The following RAP1GAP2 variants were observed in gnomAD, a reference collection of about 807,000 sequenced individuals.
RAP1GAP2 encodes RAP1 GTPase activating protein 2, also known as rap1 GTPase-activating protein 2.
A neutral mutation model predicts 95.0 loss-of-function variants in RAP1GAP2; 27 were observed. The observed-to-expected ratio is 0.28, with a 90% CI of 0.21 to 0.39. The LOEUF (loss-of-function observed/expected upper bound fraction) is 0.39. Among genes scored for constraint, RAP1GAP2 ranks in the 10% least tolerant of loss-of-function variants. RAP1GAP2 has a pLI of 1.00. For missense variants in RAP1GAP2, 771 were observed against 970.0 expected, an observed-to-expected ratio of 0.79 and a Z score of 2.72; for synonymous variants, 373 against 380.9, an observed-to-expected ratio of 0.98 and a Z score of 0.24.
intron 2 of RAP1GAP2, among the ~76,000 whole-genome samples, chr17:2,876,807 TA>T (rs1471009584): frequency 1.3e-5 from 2 of 152,026 alleles, no homozygotes; most frequent in Admixed American, 6.5e-5. Flanking sequence ...TTTTTCTGGC[TA>T]ACTTTGGAAT....
intron 2 of RAP1GAP2, among the ~76,000 whole-genome samples, chr17:2,893,780 G>A (rs761177148): frequency 5.3e-5 from 8 of 152,238 alleles, no homozygotes; most frequent in Non-Finnish European, 7.3e-5. Flanking sequence ...CTGCTCTGTC[G>A]GCAGTTTCTG....
In RAP1GAP2 at chr17:3,005,254, T is replaced by C. The variant is rs567678915; in HGVS notation, c.1201-115T>C. 3 of 1,046,918 alleles carry C rather than the reference T, an allele frequency of 2.9e-6. No homozygotes were observed. The highest frequency in any genetic ancestry group is 2.4e-5 in the East Asian group (1 of 42,044). The allele number at this position is 1,046,918 out of a possible 1,614,324, so 64.9% of individuals were successfully genotyped here. A position where few individuals can be genotyped will look rare whatever the true frequency, so the allele number is the denominator to read the frequency against. ...GATGCTCACAGGAGTATTTTGTTTG[T>C]GTTCTGGGAAGAGGAGGAGGGAGAA... On this transcript the variant is annotated intron_variant, in intron 14 of 24. Transcript: ENST00000254695. The surrounding 1 kb of genome is among the most constrained non-coding windows in gnomAD (Gnocchi z 5.2).
intron 3 of RAP1GAP2, among the ~76,000 whole-genome samples, chr17:2,922,237 T>C (rs1159605694): frequency 1.3e-5 from 2 of 152,186 alleles, no homozygotes; most frequent in African/African-American, 4.8e-5. Context: ...AGGGATTCGC[T>C]AGTCCCTCAG....
chr17:2,851,642 G>T (rs1410121624), intron 2 of RAP1GAP2, among the ~76,000 whole-genome samples: 1 of 152,208 alleles, frequency 6.6e-6, no homozygotes, highest in East Asian at 1.9e-4. Flanking sequence ...GTGACACTGG[G>T]CTTGTAGAAG....
At position 2,853,837 on chromosome 17, in the gene RAP1GAP2, C is replaced by T. The variant is rs1367124620; in HGVS notation, c.81-51447C>T. On this transcript the variant is annotated intron_variant, in intron 2 of 24. Coordinates refer to ENST00000254695, the MANE Select transcript of RAP1GAP2 (RefSeq NM_015085.5). Reference sequence around the variant, plus strand: ...TCGCCGGGAGGGAGGGGAGAGCGCGCGGTCACCTGACCCCCGGGGCGCACC... The same window carrying T: ...TCGCCGGGAGGGAGGGGAGAGCGCGTGGTCACCTGACCCCCGGGGCGCACC... 5.1e-6 allele frequency: 4 copies of T among 791,094 alleles called. No homozygotes were observed. The Admixed American group carries it at 1.9e-4, about 38-fold the overall frequency. 49.0% of individuals were successfully genotyped at this position (791,094 alleles called of 1,614,324 possible).
chr17:2,810,670 A>G (rs2069730806), intron 2 of RAP1GAP2, among the ~76,000 whole-genome samples: 1 of 151,712 alleles, frequency 6.6e-6, no homozygotes, highest in Non-Finnish European at 1.5e-5. Flanking sequence ...AGCTGGGATT[A>G]CAGGCATGCG....
intron 3 of RAP1GAP2, among the ~76,000 whole-genome samples, chr17:2,919,072 A>T (rs1413711564): frequency 1.3e-5 from 2 of 152,134 alleles, no homozygotes; most frequent in Non-Finnish European, 2.9e-5. Context: ...AGGTGCCCAC[A>T]GCTGAGGGGC....
At chr17:2,785,732 G>C (rs961430087) in intron 1 of RAP1GAP2, among the ~76,000 whole-genome samples, 6 of 151,986 alleles carry the variant, frequency 3.9e-5, no homozygotes, top group African/African-American at 1.5e-4. Context: ...GCTCCCGGCC[G>C]AATAAAAACC....
intron 2 of RAP1GAP2, among the ~76,000 whole-genome samples, chr17:2,859,985 T>C (rs1758727856): frequency 6.6e-6 from 1 of 152,058 alleles, no homozygotes; most frequent in Admixed American, 6.6e-5. Flanking sequence ...GTTGTCTCTT[T>C]TTGCGACGTT....
intron 8 of RAP1GAP2, among the ~76,000 whole-genome samples, 170 bp from the exon 9 acceptor site, chr17:2,980,117 A>G (rs1229328149): frequency 6.6e-6 from 1 of 151,470 alleles, no homozygotes; most frequent in East Asian, 2.0e-4. Context: ...ATTTTTTTGT[A>G]TTTTTAGTAG....
At chr17:2,981,779 C>G (rs2045367533) in intron 10 of RAP1GAP2, among the ~76,000 whole-genome samples, 1 of 152,180 alleles carries the variant, frequency 6.6e-6, no homozygotes. Flanking sequence ...GATACTGACC[C>G]CAGTTCTGAT....
In RAP1GAP2 at chr17:2,817,169, G is replaced by T. The variant is rs2070060381; in HGVS notation, c.80+16619G>T. ...CACAAGGCTAATTTCTGTATTTTTA[G>T]TAGAGATAGAGATAGGGTTTCGCCA... On this transcript the variant is annotated intron_variant, in intron 2 of 24. Transcript: ENST00000254695. Among the ~76,000 whole-genome samples, 2 of 117,548 alleles carry T rather than the reference G, an allele frequency of 1.7e-5. 1 individual carries two copies. Among genetic ancestry groups the T allele is most frequent in the Admixed American group, 1.7e-4 (2 of 12,118 alleles). The allele number at this position is 117,548 out of a possible 152,430, so 77.1% of individuals were successfully genotyped here.
At chr17:2,832,328 G>A (rs1216415701) in intron 2 of RAP1GAP2, among the ~76,000 whole-genome samples, 1 of 151,946 alleles carries the variant, frequency 6.6e-6, no homozygotes, top group African/African-American at 2.4e-5. Flanking sequence ...GGAGGCCAAG[G>A]TGGGTGGATC....
At chr17:2,927,395 C>CA (rs2043001504) in intron 3 of RAP1GAP2, among the ~76,000 whole-genome samples, 1 of 152,098 alleles carries the variant, frequency 6.6e-6, no homozygotes, top group Non-Finnish European at 1.5e-5. Flanking sequence ...CCTCGTGATC[C>CA]GCCCGCCTTG....
At chr17:2,863,233 T>C (rs2072482885) in intron 2 of RAP1GAP2, among the ~76,000 whole-genome samples, 1 of 152,118 alleles carries the variant, frequency 6.6e-6, no homozygotes, top group African/African-American at 2.4e-5. Context: ...CCTTCCCTTC[T>C]CCTTCCAGGC....
rs112442841 is a variant in RAP1GAP2 at position 2,927,314 on chromosome 17, C to T, written c.165+21946C>T. Among the ~76,000 whole-genome samples, 608 of 152,086 alleles carry T rather than the reference C, an allele frequency of 4.0e-3. 4 individuals carry two copies. The highest frequency in any genetic ancestry group is 0.014 in the African/African-American group (571 of 41,524). On this transcript the variant is annotated intron_variant, in intron 3 of 24. Coordinates refer to ENST00000254695, the MANE Select transcript of RAP1GAP2 (RefSeq NM_015085.5). ...GACTACAGGCACCCGCCACCGCGCC[C>T]GGCTAATTTTTTGTATTTTTAGTAG...
rs1567914608 is a variant in RAP1GAP2, at chr17:3,027,387, T to TGCTCCAACCCTTCTCCCCACCTGCCAGC, written c.2107+324_2107+351dup. ...ATTAGCCCTTCTCCCCACCTGCCAGTGCTCCAACCCTTCTCCCCACCTGCC... is the reference window on the plus strand; with the variant it reads ...ATTAGCCCTTCTCCCCACCTGCCAGTGCTCCAACCCTTCTCCCCACCTGCCAGCGCTCCAACCCTTCTCCCCACCTGCC... On this transcript the variant is annotated intron_variant, in intron 22 of 24. Coordinates refer to ENST00000254695, the MANE Select transcript of RAP1GAP2 (RefSeq NM_015085.5). This position sits in a 1 kb window ranked among gnomAD's most constrained non-coding sequence, Gnocchi z 5.2. 3.3e-5 allele frequency among the ~76,000 whole-genome samples: 5 copies of TGCTCCAACCCTTCTCCCCACCTGCCAGC among 152,020 alleles called. No homozygotes were observed. The highest frequency in any genetic ancestry group is 9.7e-5 in the African/African-American group (4 of 41,376).
chr17:3,008,182 T>C lies in RAP1GAP2; in HGVS notation c.1494+37T>C, dbSNP rs760795721. On this transcript the variant is annotated intron_variant, in intron 17 of 24. Coordinates refer to ENST00000254695, the MANE Select transcript of RAP1GAP2 (RefSeq NM_015085.5). The surrounding 1 kb of genome is among the most constrained non-coding windows in gnomAD (Gnocchi z 4.2). ...AGAGTGACTGATGGTTGCTGTGGGG[T>C]TGGGATTGGGGAAGAAAGGAAGTGG... is the stretch of plus-strand genomic sequence containing the variant. 1.2e-6 allele frequency: 2 copies of C among 1,611,548 alleles called. No homozygotes were observed. Among genetic ancestry groups the C allele is most frequent in the Non-Finnish European group, 8.5e-7 (1 of 1,178,484 alleles).
chr17:2,973,833 C>T (rs1047816715), intron 8 of RAP1GAP2, among the ~76,000 whole-genome samples: 1 of 152,126 alleles, frequency 6.6e-6, no homozygotes, highest in African/African-American at 2.4e-5. Context: ...CACCGTGCTG[C>T]TGAAAGTGAT....
Sources: gnomAD v4.1 joint callset for allele counts (sites outside exome capture counted in the v4.1 genomes callset) on GRCh38, gnomAD v4.1.1 for gene constraint, Gnocchi (gnomAD v3.1) non-coding constraint, MANE v1.5 for transcripts, NCBI Gene and HGNC (gene_info 2026-07-23, HGNC 2026-07-21) for gene names.